The following CADM1 variants were observed in gnomAD, a reference collection of about 807,000 sequenced individuals.
The protein encoded by CADM1 is TSLC-1.
Under a neutral mutation model 53.1 loss-of-function variants are expected in CADM1, and 15 were observed. That is an observed-to-expected ratio of 0.28 (90% CI 0.19 to 0.44). The LOEUF (loss-of-function observed/expected upper bound fraction) is 0.44, where lower values mean the gene tolerates loss of function less well. Ranked by LOEUF, CADM1 falls within the 20% of genes least tolerant of loss-of-function variation. CADM1 has a pLI of 1.00. For missense variants in CADM1, 434 were observed against 611.3 expected (o/e 0.71, Z 3.06); for synonymous variants, 281 against 243.0 (o/e 1.16, Z -1.45).
intron 8 of CADM1, among the ~76,000 whole-genome samples, chr11:115,200,236 CAAT>C (rs1033703923): frequency 1.3e-5 from 2 of 152,116 alleles, no homozygotes; most frequent in African/African-American, 2.4e-5. Flanking sequence ...CAGTAAAAAA[CAAT>C]AAACTGTACA....
chr11:115,498,840 T>TTCTAAGTAATCA (rs549511420), intron 1 of CADM1, among the ~76,000 whole-genome samples: 123 of 152,196 alleles, frequency 8.1e-4, no homozygotes, highest in Non-Finnish European at 1.4e-3. Flanking sequence ...TTAGAAATCA[T>TTCTAAGTAATCA]TCTAAAAGTA....
At chr11:115,430,576 G>A (rs1029537610) in intron 1 of CADM1, among the ~76,000 whole-genome samples, 2 of 152,276 alleles carry the variant, frequency 1.3e-5, no homozygotes, top group East Asian at 3.9e-4. Context: ...AAAAACAAAG[G>A]GGTTATCAAA....
intron 1 of CADM1, among the ~76,000 whole-genome samples, chr11:115,500,890 G>T (rs768480461): frequency 6.6e-5 from 10 of 152,212 alleles, no homozygotes; most frequent in Admixed American, 6.5e-5. Flanking sequence ...ACTCCGATAA[G>T]AATATGAAGT....
At chr11:115,183,706 T>A (rs1939417362) in intron 10 of CADM1, among the ~76,000 whole-genome samples, 1 of 152,222 alleles carries the variant, frequency 6.6e-6, no homozygotes, top group African/African-American at 2.4e-5. Context: ...CCCTCACATC[T>A]CAAACATCCC....
intron 1 of CADM1, among the ~76,000 whole-genome samples, chr11:115,493,338 T>C (rs1347871866): frequency 1.3e-5 from 2 of 149,398 alleles, no homozygotes; most frequent in South Asian, 4.2e-4. Flanking sequence ...TATTCAGAAA[T>C]GCCTCTACCC....
At chr11:115,253,976 A>G (rs1301244426) in intron 1 of CADM1, among the ~76,000 whole-genome samples, 1 of 152,206 alleles carries the variant, frequency 6.6e-6, no homozygotes, top group Non-Finnish European at 1.5e-5. Flanking sequence ...CTTAAGCCTC[A>G]GGATTCTCAC....
At chr11:115,427,531 T>G (rs542704627) in intron 1 of CADM1, among the ~76,000 whole-genome samples, 45 of 152,166 alleles carry the variant, frequency 3.0e-4, no homozygotes, top group Middle Eastern at 3.4e-3. Flanking sequence ...AGATGATAGA[T>G]GACAGATAAG....
Position 115,240,278 on chromosome 11 carries a change from G to T in CADM1, c.267C>A (p.Phe89Leu), listed in dbSNP as rs1942180973. The change falls in exon 2 of 12, where the codon TTC (phenylalanine) becomes TTA (leucine). Residue 89 changes from phenylalanine (F) to leucine (L), a missense_variant. By Grantham distance (22) the Phe-to-Leu change is conservative (BLOSUM62 0). Transcript: ENST00000331581. ...ACTATAGAGATGGAAACTTACGCCT[G>T]AAGTCCCTGAAATAAATGGTCTGCC... ...PNRQTIYFRD[F>L]RPLKDSRFQL... is the part of the protein sequence containing the mutation. 1.2e-6 allele frequency: 2 copies of T among 1,613,602 alleles called. No homozygotes were observed. Among genetic ancestry groups the T allele is most frequent in the Non-Finnish European group, 1.7e-6 (2 of 1,179,762 alleles).
intron 1 of CADM1, among the ~76,000 whole-genome samples, chr11:115,468,052 G>GA (rs1324575777): frequency 2.0e-5 from 3 of 152,124 alleles, no homozygotes; most frequent in African/African-American, 4.8e-5. Context: ...TTTGCATATA[G>GA]AAAAAGATGT....
At chr11:115,178,585 G>A in intron 11 of CADM1, 59 bp downstream of exon 11, 3 of 1,513,420 alleles carry the variant, frequency 2.0e-6, no homozygotes, top group South Asian at 2.2e-5. Flanking sequence ...ACCTTGTAAA[G>A]TCTCCAAAGG....
At chr11:115,390,913 G>A (rs769724562) in intron 1 of CADM1, among the ~76,000 whole-genome samples, 4 of 152,134 alleles carry the variant, frequency 2.6e-5, no homozygotes, top group Non-Finnish European at 5.9e-5. Context: ...AAGTTGATAT[G>A]TATGAAAAAG....
At chr11:115,361,303 C>A (rs1279906721) in intron 1 of CADM1, among the ~76,000 whole-genome samples, 2 of 152,070 alleles carry the variant, frequency 1.3e-5, no homozygotes, top group Non-Finnish European at 2.9e-5. Context: ...AATTCTCTTA[C>A]CAGAAAGAAG....
intron 1 of CADM1, among the ~76,000 whole-genome samples, chr11:115,284,703 C>CA (rs1565343520): frequency 6.6e-6 from 1 of 152,040 alleles, no homozygotes; most frequent in African/African-American, 2.4e-5. Flanking sequence ...AGAAAGAATA[C>CA]AAACATTTTC....
intron 1 of CADM1, among the ~76,000 whole-genome samples, chr11:115,462,798 T>G (rs1948824162): frequency 6.6e-6 from 1 of 152,140 alleles, no homozygotes; most frequent in African/African-American, 2.4e-5. Context: ...GAGAGGCCCT[T>G]CCAGTTTGCG....
intron 1 of CADM1, among the ~76,000 whole-genome samples, chr11:115,271,199 A>C (rs1209311682): frequency 6.6e-6 from 1 of 152,122 alleles, no homozygotes; most frequent in East Asian, 1.9e-4. Flanking sequence ...CAGGAAGTAA[A>C]GGGTCAAGTT....
At chr11:115,238,175 A>G (rs898426035) in intron 3 of CADM1, among the ~76,000 whole-genome samples, 1 of 152,172 alleles carries the variant, frequency 6.6e-6, no homozygotes, top group Non-Finnish European at 1.5e-5. Context: ...TCTCCTGCAC[A>G]CAAGGAAGAA....
chr11:115,362,887 A>G (rs200321210), intron 1 of CADM1, among the ~76,000 whole-genome samples: 21 of 152,218 alleles, frequency 1.4e-4, no homozygotes, highest in East Asian at 5.8e-4. Context: ...TAATTCTATT[A>G]TAAGTCTACC....
At chr11:115,472,198 T>C (rs2135393130) in intron 1 of CADM1, among the ~76,000 whole-genome samples, 2 of 152,364 alleles carry the variant, frequency 1.3e-5, no homozygotes, top group South Asian at 4.1e-4. Context: ...CAGTTTTGTG[T>C]ATAAGTTACC....
At chr11:115,499,944 AGTATGTATAT>A (rs1308080390) in intron 1 of CADM1, among the ~76,000 whole-genome samples, 1 of 152,184 alleles carries the variant, frequency 6.6e-6, no homozygotes, top group Non-Finnish European at 1.5e-5. Context: ...TGTATATATA[AGTATGTATAT>A]GTATGTATTT....
Sources: allele counts gnomAD v4.1 joint callset (sites outside exome capture counted in the v4.1 genomes callset), GRCh38; gene constraint gnomAD v4.1.1; transcripts MANE v1.5; gene names NCBI Gene and HGNC (gene_info 2026-07-23, HGNC 2026-07-21).